The following EYA4 variants were observed in gnomAD, a reference collection of about 807,000 sequenced individuals.
The protein encoded by EYA4 is EYA transcriptional coactivator and phosphatase 4, also known as protein phosphatase EYA4.
Under a neutral mutation model 87.9 loss-of-function variants are expected in EYA4, and 31 were observed. The observed-to-expected ratio is 0.35, with a 90% confidence interval of 0.27 to 0.48. The LOEUF is 0.48. Among genes scored for constraint, EYA4 ranks in the 20% least tolerant of loss-of-function variants. The probability of loss-of-function intolerance (pLI) is 0.99; values close to 1 mark genes in which losing one functional copy is unlikely to be tolerated. For synonymous variants in EYA4, 263 were observed against 270.6 expected (o/e 0.97, Z 0.28); for missense variants, 678 against 761.4 (o/e 0.89, Z 1.29).
At chr6:133,331,981 A>T (rs1289597880) in intron 2 of EYA4, among the ~76,000 whole-genome samples, 2 of 152,222 alleles carry the variant, frequency 1.3e-5, no homozygotes, top group Non-Finnish European at 2.9e-5. Flanking sequence ...CAGTGGGGTC[A>T]CTGCCTCCGA....
At chr6:133,369,118 A>G (rs1383836706) in intron 2 of EYA4, among the ~76,000 whole-genome samples, 1 of 152,204 alleles carries the variant, frequency 6.6e-6, no homozygotes, top group African/African-American at 2.4e-5. Context: ...AATGAGTTTA[A>G]TCTTTCTTTT....
intron 3 of EYA4, among the ~76,000 whole-genome samples, chr6:133,409,371 A>G (rs574880526): frequency 4.6e-5 from 7 of 152,338 alleles, no homozygotes; most frequent in African/African-American, 1.7e-4. Context: ...AAAGGAGATT[A>G]TGCCATTTGT....
At chr6:133,323,313 G>T (rs1388236274) in intron 2 of EYA4, among the ~76,000 whole-genome samples, 1 of 152,106 alleles carries the variant, frequency 6.6e-6, no homozygotes, top group African/African-American at 2.4e-5. Flanking sequence ...AAGACATTAA[G>T]AATTAAAGTG....
intron 1 of EYA4, among the ~76,000 whole-genome samples, chr6:133,249,615 G>T (rs1774719907): frequency 6.6e-6 from 1 of 152,290 alleles, no homozygotes; most frequent in East Asian, 1.9e-4. Flanking sequence ...ATGGAAAACT[G>T]CAGTTCTCAA....
At chr6:133,430,680 G>C (rs1387997622) in intron 3 of EYA4, among the ~76,000 whole-genome samples, 3 of 152,116 alleles carry the variant, frequency 2.0e-5, no homozygotes, top group African/African-American at 4.8e-5. Flanking sequence ...ATTGAGTAGT[G>C]CAGCAAAACC....
At chr6:133,281,053 G>A (rs6941848) in intron 2 of EYA4, among the ~76,000 whole-genome samples, 48,413 of 151,988 alleles carry the variant, frequency 0.32, 9,347 homozygotes, top group African/African-American at 0.51. Flanking sequence ...TCAGTACTTA[G>A]TTCCTTTTTA....
intron 18 of EYA4, 109 bp downstream of exon 18, chr6:133,523,286 A>C: frequency 8.5e-7 from 1 of 1,173,786 alleles, no homozygotes; most frequent in Admixed American, 1.7e-5. Flanking sequence ...ATTTGGATAA[A>C]GTTCAAATTA....
chr6:133,293,435 G>A (rs1203610687), intron 2 of EYA4, among the ~76,000 whole-genome samples: 1 of 151,972 alleles, frequency 6.6e-6, no homozygotes, highest in East Asian at 1.9e-4. Flanking sequence ...AGAAACACTT[G>A]ATGACTGAAT....
Position 133,379,595 on chromosome 6 carries a change from A to G in EYA4, c.34-2797A>G, listed in dbSNP as rs369473072. Among the ~76,000 whole-genome samples the G allele has an allele frequency of 1.3e-4, 20 of 152,256 alleles. No homozygotes were observed. In the East Asian group the frequency reaches 1.4e-3, roughly 10 times the overall value. On this transcript the variant is annotated intron_variant, in intron 2 of 19. Transcript: ENST00000355286. ...AATATTCTAGTTAACACTTCAATCAATTACAATATTCTGTCAATTCTATCT... is the reference window on the plus strand; with the variant it reads ...AATATTCTAGTTAACACTTCAATCAGTTACAATATTCTGTCAATTCTATCT...
At chr6:133,274,272 T>C (rs1333793509) in intron 1 of EYA4, among the ~76,000 whole-genome samples, 2 of 152,202 alleles carry the variant, frequency 1.3e-5, no homozygotes, top group Non-Finnish European at 2.9e-5. Flanking sequence ...AGAATAATCA[T>C]CTGATAATTC....
rs998140511 is a variant in EYA4, at chr6:133,519,402, G to A, written c.1617-3654G>A. Among the ~76,000 whole-genome samples, 92 of 146,462 alleles carry A rather than the reference G, an allele frequency of 6.3e-4. 1 individual carries two copies. The highest frequency in any genetic ancestry group is 2.3e-3 in the African/African-American group (85 of 37,476). On this transcript the variant is annotated intron_variant, in intron 17 of 19. Transcript: ENST00000355286. ...ATAAACTAGAAAATCTAGAAGAAAT[G>A]GATACATTCCTCGACACATACACTC...
chr6:133,449,479 C>T (rs149311686), intron 5 of EYA4, among the ~76,000 whole-genome samples: 12 of 152,268 alleles, frequency 7.9e-5, no homozygotes, highest in African/African-American at 2.4e-4. Context: ...CTGATCTCAA[C>T]CAGAAACATT....
At chr6:133,263,390 C>T (rs1185794467) in intron 1 of EYA4, among the ~76,000 whole-genome samples, 1 of 152,030 alleles carries the variant, frequency 6.6e-6, no homozygotes, top group African/African-American at 2.4e-5. Context: ...TTGCCATCTT[C>T]ATTTTTGCTC....
chr6:133,306,786 ACT>A (rs959547365), intron 2 of EYA4, among the ~76,000 whole-genome samples: 31 of 152,292 alleles, frequency 2.0e-4, no homozygotes, highest in African/African-American at 6.5e-4. Context: ...CTTATTTATA[ACT>A]CACATAAATT....
At chr6:133,427,808 C>A (rs973918242) in intron 3 of EYA4, among the ~76,000 whole-genome samples, 1 of 152,140 alleles carries the variant, frequency 6.6e-6, no homozygotes, top group African/African-American at 2.4e-5. Context: ...TTTGTTCATT[C>A]ATCAAGGTTC....
chr6:133,407,338 G>A (rs1031219453), intron 3 of EYA4, among the ~76,000 whole-genome samples: 1 of 148,620 alleles, frequency 6.7e-6, no homozygotes, highest in Admixed American at 6.8e-5. Flanking sequence ...AATTTGTAGT[G>A]TTTCTTAAAG....
intron 11 of EYA4, among the ~76,000 whole-genome samples, chr6:133,478,822 C>T (rs79421234): frequency 0.068 from 10,270 of 152,136 alleles, 1,136 homozygotes; most frequent in African/African-American, 0.23. Flanking sequence ...GCTCTTTTCA[C>T]CCCTTTGCTG....
intron 3 of EYA4, among the ~76,000 whole-genome samples, chr6:133,430,578 A>T (rs1791097974): frequency 6.6e-6 from 1 of 152,246 alleles, no homozygotes; most frequent in South Asian, 2.1e-4. Context: ...AAAATTCTTT[A>T]TACTGGAGAA....
chr6:133,449,325 G>A (rs899598398), intron 5 of EYA4, among the ~76,000 whole-genome samples: 1 of 152,164 alleles, frequency 6.6e-6, no homozygotes, highest in Non-Finnish European at 1.5e-5. Context: ...CATGTGTCAT[G>A]AAATATTGTA....
Sources: allele counts gnomAD v4.1 joint callset (sites outside exome capture counted in the v4.1 genomes callset), GRCh38; gene constraint gnomAD v4.1.1; transcripts MANE v1.5; gene names NCBI Gene and HGNC (gene_info 2026-07-23, HGNC 2026-07-21).